ZPBP: variants seen among roughly 807,000 people sequenced by gnomAD.
ZPBP encodes zona pellucida binding protein.
ZPBP carries 26 observed loss-of-function variants against 44.8 expected under a neutral mutation model. That is an observed-to-expected ratio of 0.58 (90% confidence interval 0.43 to 0.81). The LOEUF is 0.81. ZPBP is among the 30% of genes least tolerant of loss of function. The pLI is 0.00. For missense variants in ZPBP, 409 were observed against 434.0 expected (o/e 0.94, Z 0.51); for synonymous variants, 174 against 153.2 (o/e 1.14, Z -1.00).
At chr7:49,894,207 T>C (rs908281729) in intron 2 of ZPBP, among the ~76,000 whole-genome samples, 36 of 152,202 alleles carry the variant, frequency 2.4e-4, no homozygotes, top group Non-Finnish European at 5.1e-4. Flanking sequence ...TCCAGGCTGG[T>C]GTGCAGTAGC....
chr7:49,981,361 A>ATAATATATAT, intron 7 of ZPBP, among the ~76,000 whole-genome samples: 1 of 7,172 alleles, frequency 1.4e-4, no homozygotes. Context: ...TATATATTAT[A>ATAATATATAT]TATAATTATA....
chr7:49,911,464 G>A (rs1169720285), intron 1 of ZPBP, among the ~76,000 whole-genome samples: 3 of 107,254 alleles, frequency 2.8e-5, no homozygotes, highest in South Asian at 6.6e-4. Flanking sequence ...CCTGGTGACA[G>A]AGCAAGACTC....
chr7:49,982,309 T>TTATACATAATA (rs1554361591), intron 7 of ZPBP, among the ~76,000 whole-genome samples: 10 of 17,428 alleles, frequency 5.7e-4, no homozygotes, highest in East Asian at 4.3e-3. Flanking sequence ...TAATATATAA[T>TTATACATAATA]TATATAATAT....
chr7:49,971,260 C>G (rs1796294737), intron 7 of ZPBP, among the ~76,000 whole-genome samples: 1 of 151,834 alleles, frequency 6.6e-6, no homozygotes, highest in Non-Finnish European at 1.5e-5. Flanking sequence ...AAACTGAACA[C>G]AGAATCACCA....
intron 7 of ZPBP, among the ~76,000 whole-genome samples, chr7:49,959,004 C>T (rs907098577): frequency 2.6e-5 from 4 of 151,894 alleles, no homozygotes; most frequent in African/African-American, 9.7e-5. Flanking sequence ...GGTTTTTATC[C>T]CAGAAATGCA....
chr7:49,993,354 G>T (rs1797649046), intron 6 of ZPBP, among the ~76,000 whole-genome samples: 2 of 151,964 alleles, frequency 1.3e-5, no homozygotes, highest in African/African-American at 4.8e-5. Flanking sequence ...AAAAGGAAAA[G>T]GGCTACAAAG....
chr7:50,055,705 G>T (rs1161226974), intron 4 of ZPBP, among the ~76,000 whole-genome samples: 1 of 152,236 alleles, frequency 6.6e-6, no homozygotes, highest in African/African-American at 2.4e-5. Context: ...TATGGATTTT[G>T]CTGTTGTTGT....
intron 3 of ZPBP, among the ~76,000 whole-genome samples, chr7:50,058,915 T>A (rs1200252440): frequency 1.3e-5 from 2 of 152,218 alleles, no homozygotes; most frequent in Non-Finnish European, 2.9e-5. Flanking sequence ...ACTGTAACCA[T>A]GAGTAACCAA....
intron 1 of ZPBP, among the ~76,000 whole-genome samples, chr7:50,090,774 G>A (rs913440303): frequency 1.3e-5 from 2 of 151,988 alleles, no homozygotes; most frequent in South Asian, 2.1e-4. Context: ...TGCTATCAAC[G>A]TGTGTGTGCA....
chr7:49,859,066 C>T (rs1790542330), intron 2 of ZPBP, among the ~76,000 whole-genome samples: 1 of 152,194 alleles, frequency 6.6e-6, no homozygotes, highest in Non-Finnish European at 1.5e-5. Flanking sequence ...TTTTGTTTTA[C>T]ATTGTGGCCC....
At chr7:49,918,077 G>C (rs1415877865) in intron 1 of ZPBP, 3 of 152,204 alleles carry the variant, frequency 2.0e-5, no homozygotes, top group Non-Finnish European at 4.4e-5. Context: ...AGCAGTCGGT[G>C]AATGTATATC....
At chr7:49,849,696 A>G (rs565601772), downstream of ZPBP, among the ~76,000 whole-genome samples, 1 of 152,330 alleles carries the variant, frequency 6.6e-6, no homozygotes, top group East Asian at 1.9e-4. Context: ...TATTTATTTC[A>G]GGGAGATTGT....
chr7:49,851,108 G>A (rs1790161377), intron 2 of ZPBP, among the ~76,000 whole-genome samples: 1 of 152,142 alleles, frequency 6.6e-6, no homozygotes, highest in African/African-American at 2.4e-5. Flanking sequence ...CCTCTCTCCT[G>A]GCTCCTAGTG....
At chr7:49,907,818 C>T (rs527795579) in intron 1 of ZPBP, among the ~76,000 whole-genome samples, 2 of 152,230 alleles carry the variant, frequency 1.3e-5, no homozygotes, top group East Asian at 3.9e-4. Context: ...CATATAAAGA[C>T]CTGGAATCAA....
chr7:50,030,334 G>C (rs1799547807), intron 5 of ZPBP, among the ~76,000 whole-genome samples: 1 of 151,930 alleles, frequency 6.6e-6, no homozygotes. Context: ...AAGTAAGGAA[G>C]ATAAAAGACA....
intron 2 of ZPBP, among the ~76,000 whole-genome samples, chr7:49,900,630 G>A (rs937679161): frequency 1.3e-5 from 2 of 151,622 alleles, no homozygotes; most frequent in Admixed American, 1.3e-4. Context: ...CTCCAAATAG[G>A]TCTATATATA....
chr7:49,912,193 C>T lies in ZPBP; in HGVS notation n.412-10978G>A, dbSNP rs755507252. ...GAATGCAGGCAAATGTAGACGCTTC[C>T]CAGAACACAAACTCTGACTTTTTCT... is the stretch of plus-strand genomic sequence containing the variant. On this transcript the variant is annotated intron_variant and non_coding_transcript_variant, in intron 1 of 2. Transcript: ENST00000465922. 1.1e-5 allele frequency: 17 copies of T among 1,613,022 alleles called. No homozygotes were observed. The African/African-American group carries it at 2.3e-4, about 22-fold the overall frequency.
chr7:49,845,864 A>G (rs994406281), downstream of ZPBP, among the ~76,000 whole-genome samples: 3 of 152,298 alleles, frequency 2.0e-5, no homozygotes, highest in Middle Eastern at 3.4e-3. Flanking sequence ...CGAGTGAGTT[A>G]GTGTGAGTGC....
chr7:49,887,817 C>G lies in ZPBP; in HGVS notation n.509+13301G>C, dbSNP rs115804421. Among the ~76,000 whole-genome samples the G allele has an allele frequency of 7.5e-3, 1,149 of 152,300 alleles. 22 individuals are homozygous for G. The highest frequency in any genetic ancestry group is 0.026 in the African/African-American group (1,089 of 41,556). On this transcript the variant is annotated intron_variant and non_coding_transcript_variant, in intron 2 of 2. Coordinates refer to the ZPBP transcript ENST00000465922. ...ACTTTCTAGATATGGAACTTCTCTC[C>G]CATCCCCCAGAAATATCTATTCACA...
Sources: gnomAD v4.1 joint callset for allele counts (sites outside exome capture counted in the v4.1 genomes callset) on GRCh38, gnomAD v4.1.1 for gene constraint, MANE v1.5 for transcripts, NCBI Gene and HGNC (gene_info 2026-07-23, HGNC 2026-07-21) for gene names.